The following DSCAML1 variants were observed in gnomAD, a reference collection of about 807,000 sequenced individuals.
The protein encoded by DSCAML1 is cell adhesion molecule DSCAML1.
In DSCAML1, 38 loss-of-function variants were observed where a neutral mutation model predicts 200.5. The observed-to-expected ratio is 0.19, with a 90% CI of 0.15 to 0.25. The LOEUF (loss-of-function observed/expected upper bound fraction) is 0.25. Ranked by LOEUF, DSCAML1 falls within the 10% of genes least tolerant of loss-of-function variation. The pLI is 1.00. For synonymous variants in DSCAML1, 1,215 were observed against 1,165.0 expected (o/e 1.04, Z -0.87); for missense variants, 2,223 against 2,858.8 (o/e 0.78, Z 5.07).
chr11:117,462,289 G>A (rs575895369), intron 17 of DSCAML1, among the ~76,000 whole-genome samples: 4 of 151,876 alleles, frequency 2.6e-5, no homozygotes, highest in Admixed American at 6.5e-5. Context: ...TGCTTCTCCC[G>A]CCAGTCACAC....
rs1182875501 is a variant in DSCAML1 at position 117,480,175 on chromosome 11, G to A, written c.2785+268C>T. 9.9e-5 allele frequency among the ~76,000 whole-genome samples: 15 copies of A among 152,134 alleles called. No homozygotes were observed. Among genetic ancestry groups the A allele is most frequent in the Admixed American group, 9.8e-4 (15 of 15,284 alleles). ...ATGGCTTCAAATCAGACCACCCTTG[G>A]GGACCCTGGCCCAGGGACAGTCCTG... On this transcript the variant is annotated intron_variant, in intron 14 of 32. Transcript: ENST00000651296. The surrounding 1 kb of genome is among the most constrained non-coding windows in gnomAD (Gnocchi z 4.1).
intron 3 of DSCAML1, among the ~76,000 whole-genome samples, chr11:117,691,190 C>T (rs950745000): frequency 6.6e-6 from 1 of 152,168 alleles, no homozygotes; most frequent in Non-Finnish European, 1.5e-5. Flanking sequence ...TGACGTGTTA[C>T]GTGAGGAAGC....
Position 117,658,307 on chromosome 11 carries a change from C to T in DSCAML1, c.511+118484G>A, listed in dbSNP as rs77613099. 7.0e-3 allele frequency among the ~76,000 whole-genome samples: 1,073 copies of T among 152,276 alleles called. 24 individuals are homozygous for T. In the East Asian group the frequency reaches 0.084, roughly 12 times the overall value. ...GCTTGAACAGTTTGCCAGCGCTATG[C>T]CCAAGTTGTGGGTTGCCCCTTCTAG... On this transcript the variant is annotated intron_variant, in intron 3 of 32. Transcript: ENST00000651296.
At chr11:117,762,818 G>A (rs143563594) in intron 3 of DSCAML1, among the ~76,000 whole-genome samples, 452 of 151,708 alleles carry the variant, frequency 3.0e-3, no homozygotes, top group African/African-American at 0.01. Flanking sequence ...AGCCAAGATC[G>A]TGCCACTGCA....
rs773100907 is a variant in DSCAML1 at position 117,642,738 on chromosome 11, C to T, written c.512-110216G>A. Among the ~76,000 whole-genome samples, 3 of 152,166 alleles carry T rather than the reference C, an allele frequency of 2.0e-5. No homozygotes were observed. The highest frequency in any genetic ancestry group is 2.1e-4 in the South Asian group (1 of 4,816). ...GGCTCAGATGAAGACGTCAGACTGG[C>T]GGGGCTGAGAAACACCCCTGGTGAT... On this transcript the variant is annotated intron_variant, in intron 3 of 32. Coordinates refer to ENST00000651296, the MANE Select transcript of DSCAML1 (RefSeq NM_020693.4). The surrounding 1 kb of genome is among the most constrained non-coding windows in gnomAD (Gnocchi z 4.1).
intron 3 of DSCAML1, among the ~76,000 whole-genome samples, chr11:117,742,428 C>T (rs532733238): frequency 6.6e-6 from 1 of 152,160 alleles, no homozygotes; most frequent in Non-Finnish European, 1.5e-5. Flanking sequence ...TGTCCTGGGG[C>T]CCCACCCCAT....
intron 21 of DSCAML1, 113 bp from the exon 22 acceptor site, chr11:117,440,049 C>T: frequency 2.2e-6 from 2 of 901,196 alleles, no homozygotes; most frequent in Middle Eastern, 2.2e-4. Flanking sequence ...CCCGATCTGA[C>T]CTCCACCTTG....
chr11:117,555,381 C>G (rs1163090848), intron 3 of DSCAML1, among the ~76,000 whole-genome samples: 1 of 152,162 alleles, frequency 6.6e-6, no homozygotes, highest in East Asian at 1.9e-4. Context: ...GGCTCAGGAT[C>G]TGCGGAGGTG....
At chr11:117,672,362 G>C (rs1267235443) in intron 3 of DSCAML1, among the ~76,000 whole-genome samples, 1 of 151,916 alleles carries the variant, frequency 6.6e-6, no homozygotes, top group East Asian at 1.9e-4. Flanking sequence ...TTTCTTTAGG[G>C]GCACCCTCTA....
Position 117,578,930 on chromosome 11 carries a change from C to T in DSCAML1, c.512-46408G>A, listed in dbSNP as rs141593570. ...ACCTCAGCCCTCCAGCCTATTGCTCCCCAGTCTTCCCATTCCCCATGAAGG... is the reference window on the plus strand; with the variant it reads ...ACCTCAGCCCTCCAGCCTATTGCTCTCCAGTCTTCCCATTCCCCATGAAGG... On this transcript the variant is annotated intron_variant, in intron 3 of 32. Transcript: ENST00000651296. Among the ~76,000 whole-genome samples, 1,301 of 152,280 alleles carry T rather than the reference C, an allele frequency of 8.5e-3. 21 individuals are homozygous for T. The highest frequency in any genetic ancestry group is 0.03 in the African/African-American group (1,236 of 41,544).
At chr11:117,652,301 G>T (rs973680253) in intron 3 of DSCAML1, among the ~76,000 whole-genome samples, 6 of 152,218 alleles carry the variant, frequency 3.9e-5, no homozygotes, top group Admixed American at 3.9e-4. Flanking sequence ...AGGTCACCTG[G>T]GCTACGCATG....
intron 3 of DSCAML1, among the ~76,000 whole-genome samples, chr11:117,742,832 G>C (rs542099169): frequency 1.4e-4 from 21 of 152,342 alleles, no homozygotes; most frequent in Admixed American, 3.9e-4. Context: ...TCTTGTCTCT[G>C]AGAATGGGCT....
chr11:117,756,618 A>G (rs10790204), intron 3 of DSCAML1, among the ~76,000 whole-genome samples: 95,798 of 151,882 alleles, frequency 0.63, 33,345 homozygotes, highest in East Asian at 0.83. Context: ...GTAGAAAACT[A>G]TTATTATTCT....
intron 27 of DSCAML1, among the ~76,000 whole-genome samples, chr11:117,433,742 T>C (rs1487615016): frequency 1.3e-5 from 2 of 152,236 alleles, no homozygotes; most frequent in African/African-American, 4.8e-5. Context: ...ACTGGGGGCA[T>C]AGCAAGTGCC....
intron 3 of DSCAML1, among the ~76,000 whole-genome samples, chr11:117,550,493 C>T (rs970009212): frequency 1.3e-5 from 2 of 152,150 alleles, no homozygotes; most frequent in African/African-American, 4.8e-5. Context: ...TAGCTGCTGC[C>T]CATGGCCAGC....
rs761947783 is a variant in DSCAML1 at position 117,503,935 on chromosome 11, C to T, written c.2269G>A (p.Val757Ile). 18 of 1,613,998 alleles carry T rather than the reference C, an allele frequency of 1.1e-5. No individual in the cohort carries two copies. The highest frequency in any genetic ancestry group is 3.3e-5 in the Admixed American group (2 of 59,996). Residue 757 changes from valine to isoleucine, a missense_variant, in exon 11 of 33, where the codon GTC (valine) becomes ATC (isoleucine). By Grantham distance (29) the Val-to-Ile change is conservative (BLOSUM62 3). Coordinates refer to ENST00000651296, the MANE Select transcript of DSCAML1 (RefSeq NM_020693.4). The surrounding 1 kb of genome is among the most constrained non-coding windows in gnomAD (Gnocchi z 5.2). ...LPNSSLLIRH[V>I]LEEDIGYYLC... ...TAGTAGCCGATGTCCTCTTCTAGGA[C>T]GTGGCGGATCAGCAGCGAGCTGTTG... is the stretch of plus-strand genomic sequence containing the variant.
intron 20 of DSCAML1, among the ~76,000 whole-genome samples, chr11:117,450,178 G>A (rs1053728044): frequency 2.0e-5 from 3 of 152,214 alleles, no homozygotes; most frequent in African/African-American, 7.2e-5. Flanking sequence ...GACCAACCAT[G>A]TTGAAAGATG....
chr11:117,626,738 C>T (rs2052054852), intron 3 of DSCAML1, among the ~76,000 whole-genome samples: 1 of 152,194 alleles, frequency 6.6e-6, no homozygotes, highest in African/African-American at 2.4e-5. Context: ...TCCAGAGCCC[C>T]ACACCTTGGA....
chr11:117,553,268 G>T (rs1352387872), intron 3 of DSCAML1, among the ~76,000 whole-genome samples: 2 of 152,102 alleles, frequency 1.3e-5, no homozygotes, highest in East Asian at 3.8e-4. Flanking sequence ...GCTAACAAAA[G>T]AAAACAATAG....
Sources: gnomAD v4.1 joint callset for allele counts (sites outside exome capture counted in the v4.1 genomes callset) on GRCh38, gnomAD v4.1.1 for gene constraint, Gnocchi (gnomAD v3.1) non-coding constraint, MANE v1.5 for transcripts, NCBI Gene and HGNC (gene_info 2026-07-23, HGNC 2026-07-21) for gene names.